PLXNA4: variants seen among roughly 807,000 people sequenced by gnomAD.
The protein encoded by PLXNA4 is plexin A4.
In PLXNA4, 44 loss-of-function variants were observed where a neutral mutation model predicts 191.8. That is an observed-to-expected ratio of 0.23 (90% CI 0.18 to 0.29). The LOEUF (loss-of-function observed/expected upper bound fraction) is 0.29, where lower values mean the gene tolerates loss of function less well. PLXNA4 is among the 10% of genes least tolerant of loss of function. The pLI, the probability that PLXNA4 is intolerant of heterozygous loss-of-function variation, is 1.00. For synonymous variants in PLXNA4, 1,082 were observed against 1,009.5 expected (o/e 1.07, Z -1.36); for missense variants, 1,800 against 2,488.8 (o/e 0.72, Z 5.89).
intron 3 of PLXNA4, among the ~76,000 whole-genome samples, chr7:132,435,423 A>G (rs1295342957): frequency 1.3e-5 from 2 of 152,108 alleles, no homozygotes; most frequent in African/African-American, 2.4e-5. Context: ...TGGAGCCTGC[A>G]GACCCAGAAA....
rs759149224 is a variant in PLXNA4, at chr7:132,180,651, C to T, written c.3574G>A (p.Val1192Met). The change falls in exon 19 of 32, where the codon GTG (valine) becomes ATG (methionine). Residue 1192 changes from valine to methionine, a missense_variant. Physicochemically the swap from Val to Met is conservative, Grantham distance 21. Coordinates refer to ENST00000321063, the MANE Select transcript of PLXNA4 (RefSeq NM_020911.2). ...TVLVGEKPCT[V>M]TVSDVQLLCE... Reference sequence around the variant, plus strand: ...AGCAGCTGGACATCTGACACGGTCACGGTGCACGGCTTCTCCCCAACCAGC... The same window carrying T: ...AGCAGCTGGACATCTGACACGGTCATGGTGCACGGCTTCTCCCCAACCAGC... 32 of 1,614,066 alleles carry T rather than the reference C, an allele frequency of 2.0e-5. No homozygotes were observed. The highest frequency in any genetic ancestry group is 2.2e-5 in the East Asian group (1 of 44,896).
intron 20 of PLXNA4, among the ~76,000 whole-genome samples, chr7:132,175,616 A>G (rs1324967898): frequency 1.3e-5 from 2 of 152,220 alleles, no homozygotes; most frequent in Non-Finnish European, 2.9e-5. Flanking sequence ...CCAGATGAAC[A>G]GAGTGGCAAG....
chr7:132,283,592 AACAGCAC>A (rs61662122), intron 4 of PLXNA4, among the ~76,000 whole-genome samples: 32,690 of 151,998 alleles, frequency 0.22, 3,627 homozygotes, highest in Middle Eastern at 0.31. Context: ...CTCATGACAG[AACAGCAC>A]ACACAAAAAA....
At position 132,576,352 on chromosome 7, in the gene PLXNA4, C is replaced by T; in HGVS notation, c.-87+70G>A. 1 of 981,408 alleles carries T rather than the reference C, an allele frequency of 1.0e-6. No homozygotes were observed. Among genetic ancestry groups the T allele is most frequent in the Non-Finnish European group, 1.2e-6 (1 of 826,232 alleles). The allele number at this position is 981,408 out of a possible 1,614,324, so 60.8% of individuals were successfully genotyped here. The stretch of plus-strand genomic sequence containing the variant: ...GGGACACTGAGGACTCCCGGGTCGG[C>T]CCAGGTCTGTCCGACCTTGCTGCCC... On this transcript the variant is annotated intron_variant, in intron 1 of 31. Transcript: ENST00000321063. This position sits in a 1 kb window ranked among gnomAD's most constrained non-coding sequence, Gnocchi z 5.8.
In PLXNA4 at chr7:132,258,336, T is replaced by C. The variant is rs145228833; in HGVS notation, c.1504-17170A>G. On this transcript the variant is annotated intron_variant, in intron 4 of 31. Coordinates refer to ENST00000321063, the MANE Select transcript of PLXNA4 (RefSeq NM_020911.2). Reference sequence around the variant, plus strand: ...AGCTTTGCATGCCTCAGCTCCCTATTAGATTTTCCCTTTTCTTCTTCCTGC... The same window carrying C: ...AGCTTTGCATGCCTCAGCTCCCTATCAGATTTTCCCTTTTCTTCTTCCTGC... Among the ~76,000 whole-genome samples, 313 of 152,282 alleles carry C rather than the reference T, an allele frequency of 2.1e-3. 1 individual carries two copies. Among genetic ancestry groups the C allele is most frequent in the African/African-American group, 6.9e-3 (287 of 41,544 alleles).
chr7:132,577,147 G>T, upstream of PLXNA4: 1 of 146,678 alleles, frequency 6.8e-6, no homozygotes, highest in South Asian at 1.8e-4. Context: ...CTGCGGCGGC[G>T]GAGAGCTCGG....
intron 3 of PLXNA4, among the ~76,000 whole-genome samples, chr7:132,439,807 T>C (rs1332218208): frequency 2.0e-5 from 3 of 152,208 alleles, no homozygotes; most frequent in South Asian, 2.1e-4. Flanking sequence ...TCTGCACCCA[T>C]GGTCCTCTAG....
At position 132,497,161 on chromosome 7, in the gene PLXNA4, G is replaced by A. The variant is rs375971792; in HGVS notation, c.1189-7687C>T. ...ACACACACATACACATATCCTGGTTGCTGACCATAGCACACCTCCACTGGA... is the reference window on the plus strand; with the variant it reads ...ACACACACATACACATATCCTGGTTACTGACCATAGCACACCTCCACTGGA... On this transcript the variant is annotated intron_variant, in intron 2 of 31. Coordinates refer to ENST00000321063, the MANE Select transcript of PLXNA4 (RefSeq NM_020911.2). 6.6e-4 allele frequency among the ~76,000 whole-genome samples: 100 copies of A among 152,024 alleles called. 2 individuals carry two copies. The South Asian group carries it at 0.02, about 30-fold the overall frequency.
intron 4 of PLXNA4, among the ~76,000 whole-genome samples, chr7:132,268,565 T>G (rs1458587173): frequency 6.6e-6 from 1 of 152,136 alleles, no homozygotes; most frequent in African/African-American, 2.4e-5. Flanking sequence ...GGGAGGGTCA[T>G]GGGTCTTATT....
rs193163300 is a variant in PLXNA4, at chr7:132,239,332, G to T, written c.1604+1734C>A. ...TCTGGTGCCTTCTCCAAGCCTTGGA[G>T]CCCCTCTGTTCACAGGGCTCCGTGC... On this transcript the variant is annotated intron_variant, in intron 5 of 31. Transcript: ENST00000321063. 1.1e-3 allele frequency among the ~76,000 whole-genome samples: 171 copies of T among 152,322 alleles called. 3 individuals are homozygous for T. Among genetic ancestry groups the T allele is most frequent in the East Asian group, 0.011 (56 of 5,182 alleles).
chr7:132,255,231 A>G (rs555137690), intron 4 of PLXNA4, among the ~76,000 whole-genome samples: 1 of 152,136 alleles, frequency 6.6e-6, no homozygotes, highest in Non-Finnish European at 1.5e-5. Context: ...GTCACAGGGG[A>G]CCTGGGACCT....
intron 2 of PLXNA4, among the ~76,000 whole-genome samples, chr7:132,623,906 C>T (rs1803321613): frequency 6.6e-6 from 1 of 152,164 alleles, no homozygotes; most frequent in Non-Finnish European, 1.5e-5. Context: ...ACTCTGAGTA[C>T]CTGGCTTGGT....
chr7:132,311,156 TTGTGTGTGTGTGTGTGTGTGTG>T lies in PLXNA4; in HGVS notation c.1372-12956_1372-12935del, dbSNP rs749947062. Among the ~76,000 whole-genome samples the T allele has an allele frequency of 1.9e-4, 25 of 132,128 alleles. 1 individual carries two copies. In the South Asian group the frequency reaches 6.0e-3, roughly 32 times the overall value. 86.7% of individuals were successfully genotyped at this position (132,128 alleles called of 152,430 possible). A position where few individuals can be genotyped will look rare whatever the true frequency, so the allele number is the denominator to read the frequency against. On this transcript the variant is annotated intron_variant, in intron 3 of 31. Transcript: ENST00000321063. The stretch of plus-strand genomic sequence containing the variant: ...CCAGTTCCTGGGCTATCTAGGATAA[TTGTGTGTGTGTGTGTGTGTGTG>T]TGTGTGTGTGTGTGTGCGCGTGTGG...
chr7:132,525,964 A>C (rs74350261), intron 1 of PLXNA4, among the ~76,000 whole-genome samples: 5,747 of 152,132 alleles, frequency 0.038, 277 homozygotes, highest in African/African-American at 0.11. Context: ...TCTTGCTTAA[A>C]CCCTATTATG....
chr7:132,615,018 G>A (rs1298521864), intron 2 of PLXNA4, among the ~76,000 whole-genome samples: 1 of 152,138 alleles, frequency 6.6e-6, no homozygotes. Context: ...TCTCCCCCGA[G>A]CCCTCGCCCT....
At chr7:132,553,089 C>G (rs955241601) in intron 1 of PLXNA4, among the ~76,000 whole-genome samples, 5 of 152,170 alleles carry the variant, frequency 3.3e-5, no homozygotes, top group African/African-American at 1.2e-4. Flanking sequence ...GTGGACCTCA[C>G]AGGCAGAAAA....
intron 1 of PLXNA4, among the ~76,000 whole-genome samples, chr7:132,551,777 T>G (rs878986401): frequency 2.0e-5 from 3 of 152,244 alleles, no homozygotes; most frequent in African/African-American, 7.2e-5. Context: ...TCTGTGTCCT[T>G]TTAACATCCA....
Position 132,127,453 on chromosome 7 carries a change from T to G in PLXNA4, c.*3026A>C, listed in dbSNP as rs1280787128. ...CTGCCAGTGGGGTAAGGAAGATCCC[T>G]GGGGGAGTTTGGAAAAAAGATTTGG... is the stretch of plus-strand genomic sequence containing the variant. On this transcript the variant is annotated 3_prime_UTR_variant, in exon 32 of 32. Transcript: ENST00000321063. The G allele has an allele frequency of 6.6e-6, 1 of 151,970 alleles. No homozygotes were observed. The allele number at this position is 151,970 out of a possible 1,614,324, so 9.4% of individuals were successfully genotyped here. A position where few individuals can be genotyped will look rare whatever the true frequency, so the allele number is the denominator to read the frequency against.
chr7:132,624,714 G>A (rs1803335920), intron 2 of PLXNA4, among the ~76,000 whole-genome samples: 1 of 152,162 alleles, frequency 6.6e-6, no homozygotes, highest in South Asian at 2.1e-4. Flanking sequence ...TTAGTGTTCA[G>A]TAAGCTTAGG....
Sources: gnomAD v4.1 joint callset for allele counts (sites outside exome capture counted in the v4.1 genomes callset) on GRCh38, gnomAD v4.1.1 for gene constraint, Gnocchi (gnomAD v3.1) non-coding constraint, MANE v1.5 for transcripts, NCBI Gene and HGNC (gene_info 2026-07-23, HGNC 2026-07-21) for gene names.